The following LRP2 variants were observed in gnomAD, a reference collection of about 807,000 sequenced individuals.
LRP2 encodes the protein low-density lipoprotein receptor-related protein 2.
In LRP2, 172 loss-of-function variants were observed where a neutral mutation model predicts 531.0. The observed-to-expected ratio is 0.32, with a 90% CI of 0.29 to 0.37. LRP2 has a LOEUF of 0.37. Among genes scored for constraint, LRP2 ranks in the 10% least tolerant of loss-of-function variants. The pLI, the probability that LRP2 is intolerant of heterozygous loss-of-function variation, is 1.00. For synonymous variants in LRP2, 1,992 were observed against 2,027.6 expected, an observed-to-expected ratio of 0.98 and a Z score of 0.47; for missense variants, 5,167 against 5,868.3, an observed-to-expected ratio of 0.88 and a Z score of 3.90.
chr2:169,279,320 G>T, intron 12 of LRP2, 52 bp downstream of exon 12: 1 of 1,330,686 alleles, frequency 7.5e-7, no homozygotes, highest in Non-Finnish European at 1.1e-6. Flanking sequence ...TGTATAGAGG[G>T]AGAGAGAAAA....
chr2:169,256,217 C>T lies in LRP2; in HGVS notation c.2659G>A (p.Val887Ile), dbSNP rs758999391. 71 of 1,612,532 alleles carry T rather than the reference C, an allele frequency of 4.4e-5. No individual in the cohort carries two copies. In the East Asian group the frequency reaches 1.6e-3, roughly 36 times the overall value. Reference protein sequence around the residue: ...IDWAASRLYWVDAYFDKIEHS... With the variant: ...IDWAASRLYWIDAYFDKIEHS... ...TCAATTTTATCAAAATAGGCATCTA[C>T]CCAGTACAATCGTGAAGCACTAAAA... Residue 887 changes from valine (V) to isoleucine (I), a missense_variant, in exon 19 of 79, where the codon GTA becomes ATA. Val to Ile is a conservative substitution (Grantham distance 29, BLOSUM62 3). Around this residue, in one of 6 missense-constraint regions of LRP2, gnomAD observed 2,811 missense variants for 3,058.0 expected, o/e 0.92. Transcript: ENST00000649046.
intron 19 of LRP2, among the ~76,000 whole-genome samples, chr2:169,255,307 A>G (rs1690259017): frequency 6.6e-6 from 1 of 152,132 alleles, no homozygotes; most frequent in African/African-American, 2.4e-5. Context: ...AACCATTCAC[A>G]GAGCTCCTGT....
chr2:169,276,580 T>C (rs1021148627), intron 13 of LRP2, among the ~76,000 whole-genome samples: 20 of 152,224 alleles, frequency 1.3e-4, no homozygotes, highest in African/African-American at 4.6e-4. Flanking sequence ...TAATACACAA[T>C]ACTTCATTTA....
intron 1 of LRP2, among the ~76,000 whole-genome samples, chr2:169,332,435 A>G (rs1414207927): frequency 6.6e-6 from 1 of 152,234 alleles, no homozygotes; most frequent in Non-Finnish European, 1.5e-5. Context: ...AAGAGGGCAG[A>G]AAGGAGAGAT....
At position 169,166,694 on chromosome 2, in the gene LRP2, C is replaced by T. The variant is rs73015607; in HGVS notation, c.11636-640G>A. Among the ~76,000 whole-genome samples, 485 of 152,324 alleles carry T rather than the reference C, an allele frequency of 3.2e-3. 2 individuals are homozygous for T. Among genetic ancestry groups the T allele is most frequent in the African/African-American group, 0.011 (467 of 41,570 alleles). Reference sequence around the variant, plus strand: ...TCGATATCTCACAATCAAACCCTGACACACTTGCTGTCCAGAGTGAGACCT... The same window carrying T: ...TCGATATCTCACAATCAAACCCTGATACACTTGCTGTCCAGAGTGAGACCT... On this transcript the variant is annotated intron_variant, in intron 61 of 78. Transcript: ENST00000649046.
chr2:169,228,880 T>C (rs550732877), intron 31 of LRP2, among the ~76,000 whole-genome samples: 2 of 152,118 alleles, frequency 1.3e-5, no homozygotes, highest in Non-Finnish European at 2.9e-5. Flanking sequence ...AAGTGCTATA[T>C]GGGAAAGCAA....
chr2:169,358,671 AC>A (rs2105587980), intron 1 of LRP2, among the ~76,000 whole-genome samples: 1 of 152,288 alleles, frequency 6.6e-6, no homozygotes, highest in South Asian at 2.1e-4. Flanking sequence ...ACTCTTAAAA[AC>A]ATTACCACAT....
intron 31 of LRP2, among the ~76,000 whole-genome samples, chr2:169,229,378 C>T (rs1264040572): frequency 6.6e-6 from 1 of 152,176 alleles, no homozygotes; most frequent in Admixed American, 6.5e-5. Context: ...ACCCCCAAAC[C>T]TAGGTCCTCC....
At chr2:169,150,866 T>C in intron 68 of LRP2, 32 bp downstream of exon 68, 2 of 1,613,182 alleles carry the variant, frequency 1.2e-6, no homozygotes, top group Non-Finnish European at 8.5e-7. Flanking sequence ...GGGAGAAATA[T>C]CTAGATGTTG....
chr2:169,217,107 T>G (rs145888014), intron 34 of LRP2, among the ~76,000 whole-genome samples: 13 of 152,176 alleles, frequency 8.5e-5, no homozygotes, highest in African/African-American at 2.9e-4. Context: ...TATATGAAAA[T>G]GTATTAAAAT....
chr2:169,357,289 TTTTTA>T (rs148875655), intron 1 of LRP2, among the ~76,000 whole-genome samples: 13,006 of 116,656 alleles, frequency 0.11, 783 homozygotes, highest in African/African-American at 0.2. Flanking sequence ...TTTTTATTTA[TTTTTA>T]TTTTATTTTA....
At chr2:169,300,669 C>T (rs1347622008) in intron 4 of LRP2, among the ~76,000 whole-genome samples, 1 of 151,964 alleles carries the variant, frequency 6.6e-6, no homozygotes, top group Non-Finnish European at 1.5e-5. Context: ...AGTTTTCTTT[C>T]CTTCCTCCAG....
chr2:169,226,761 G>T (rs940491474), intron 31 of LRP2, among the ~76,000 whole-genome samples, 173 bp from the exon 32 acceptor site: 1 of 152,164 alleles, frequency 6.6e-6, no homozygotes, highest in African/African-American at 2.4e-5. Context: ...CAGGGTTTCA[G>T]TGGGCTGCTG....
In LRP2 at chr2:169,128,468, T is replaced by C. The variant is rs1267931984; in HGVS notation, c.*195A>G. 3 of 574,174 alleles carry C rather than the reference T, an allele frequency of 5.2e-6. No individual in the cohort carries two copies. Among genetic ancestry groups the C allele is most frequent in the East Asian group, 6.2e-5 (2 of 32,508 alleles). The allele number at this position is 574,174 out of a possible 1,614,324, so 35.6% of individuals were successfully genotyped here. A position where few individuals can be genotyped will look rare whatever the true frequency, so the allele number is the denominator to read the frequency against. On this transcript the variant is annotated 3_prime_UTR_variant, in exon 79 of 79. Transcript: ENST00000649046. The stretch of plus-strand genomic sequence containing the variant: ...CTTCAGTGCAAAGATATACATATAG[T>C]ACATTGTGATAATTATTTGTAAAAA...
intron 15 of LRP2, chr2:169,271,631 ACACACACACAC>A (rs987415888): frequency 2.5e-6 from 1 of 407,424 alleles, no homozygotes; most frequent in African/African-American, 2.2e-5. Context: ...ACACACACAC[ACACACACACAC>A]ACACACACAC....
At chr2:169,274,923 T>C in intron 14 of LRP2, 113 bp downstream of exon 14, 1 of 1,043,582 alleles carries the variant, frequency 9.6e-7, no homozygotes, top group Non-Finnish European at 1.5e-6. Context: ...TTCATATACT[T>C]GAGAATGCCA....
intron 63 of LRP2, among the ~76,000 whole-genome samples, chr2:169,157,949 T>TAAAAAAAA: frequency 6.8e-6 from 1 of 147,470 alleles, no homozygotes; most frequent in East Asian, 2.0e-4. Context: ...AATAAATAAA[T>TAAAAAAAA]AAATAAATAA....
intron 20 of LRP2, 24 bp from the exon 21 acceptor site, chr2:169,247,010 A>G: frequency 6.2e-7 from 1 of 1,613,012 alleles, no homozygotes; most frequent in African/African-American, 1.3e-5. Context: ...GCCCCGAGGG[A>G]GTCAGTCATG....
chr2:169,138,245 G>C (rs1004944030), intron 75 of LRP2, among the ~76,000 whole-genome samples: 8 of 152,206 alleles, frequency 5.3e-5, no homozygotes, highest in South Asian at 2.1e-4. Context: ...ACATATAAAA[G>C]TCATCAAATA....
Sources: gnomAD v4.1 joint callset for allele counts (sites outside exome capture counted in the v4.1 genomes callset) on GRCh38, gnomAD v4.1.1 for gene constraint, gnomAD v4.1.1 regional missense constraint, MANE v1.5 for transcripts, NCBI Gene and HGNC (gene_info 2026-07-23, HGNC 2026-07-21) for gene names.